The following RIMS1 variants were observed in gnomAD, a reference collection of about 807,000 sequenced individuals.
The protein encoded by RIMS1 is regulating synaptic membrane exocytosis protein 1.
RIMS1 carries 83 observed loss-of-function variants against 214.1 expected under a neutral mutation model. The ratio of observed to expected loss-of-function variants is 0.39; its 90% CI spans 0.32 to 0.47. RIMS1 has a LOEUF of 0.47. Among genes scored for constraint, RIMS1 ranks in the 20% least tolerant of loss-of-function variants. The probability of loss-of-function intolerance (pLI) is 0.99; values close to 1 mark genes in which losing one functional copy is unlikely to be tolerated. For synonymous variants in RIMS1, 793 were observed against 786.8 expected (o/e 1.01, Z -0.13); for missense variants, 2,050 against 2,161.8 (o/e 0.95, Z 1.03).
chr6:72,340,956 C>T (rs1169397033), intron 29 of RIMS1, among the ~76,000 whole-genome samples: 2 of 151,932 alleles, frequency 1.3e-5, no homozygotes, highest in African/African-American at 2.4e-5. Context: ...TCTTTTATTT[C>T]GTTGAGCAGT....
chr6:72,006,554 T>C (rs1263202931), intron 2 of RIMS1, among the ~76,000 whole-genome samples: 1 of 151,818 alleles, frequency 6.6e-6, no homozygotes, highest in Non-Finnish European at 1.5e-5. Context: ...GGGCAAGGGG[T>C]AAGGGAATTC....
At chr6:72,126,181 C>G (rs1282792889) in intron 4 of RIMS1, among the ~76,000 whole-genome samples, 1 of 152,150 alleles carries the variant, frequency 6.6e-6, no homozygotes, top group Non-Finnish European at 1.5e-5. Context: ...GAAAGGCACC[C>G]TGTTCAATAA....
chr6:72,128,376 C>T (rs1376656175), intron 4 of RIMS1, among the ~76,000 whole-genome samples: 1 of 152,024 alleles, frequency 6.6e-6, no homozygotes, highest in Admixed American at 6.6e-5. Context: ...CCACTTCCTT[C>T]CCCTCCCCTC....
chr6:72,159,488 G>A (rs2044977073), intron 4 of RIMS1, among the ~76,000 whole-genome samples: 1 of 141,030 alleles, frequency 7.1e-6, no homozygotes, highest in African/African-American at 2.5e-5. Context: ...GAATGGTATT[G>A]CCTACGTTTT....
At chr6:72,068,762 T>A (rs1245616423) in intron 2 of RIMS1, among the ~76,000 whole-genome samples, 1 of 151,628 alleles carries the variant, frequency 6.6e-6, no homozygotes, top group East Asian at 1.9e-4. Context: ...ATACAAAAAA[T>A]TAGCTGGGCG....
At chr6:72,337,553 GTTA>G (rs1318285845) in intron 29 of RIMS1, among the ~76,000 whole-genome samples, 1 of 151,304 alleles carries the variant, frequency 6.6e-6, no homozygotes, top group African/African-American at 2.4e-5. Flanking sequence ...CTTATGAAAT[GTTA>G]TTATTCCCAT....
chr6:72,315,057 A>T (rs770619735), intron 28 of RIMS1, among the ~76,000 whole-genome samples: 6 of 152,172 alleles, frequency 3.9e-5, no homozygotes, highest in Non-Finnish European at 7.4e-5. Flanking sequence ...TGGCTATGTG[A>T]TTTCTTTTAG....
intron 23 of RIMS1, among the ~76,000 whole-genome samples, chr6:72,282,826 C>T (rs1389668444): frequency 6.6e-6 from 1 of 152,102 alleles, no homozygotes; most frequent in Non-Finnish European, 1.5e-5. Flanking sequence ...TGATGTCTCA[C>T]TCCTCTATTT....
intron 1 of RIMS1, among the ~76,000 whole-genome samples, chr6:71,958,366 T>C (rs1791918714): frequency 6.6e-6 from 1 of 152,120 alleles, no homozygotes; most frequent in African/African-American, 2.4e-5. Flanking sequence ...TCCCAGTAGT[T>C]GGATTGTTGC....
chr6:72,017,434 G>A (rs9342915), intron 2 of RIMS1, among the ~76,000 whole-genome samples: 3,448 of 152,128 alleles, frequency 0.023, 173 homozygotes, highest in East Asian at 0.16. Context: ...TTTACCAATT[G>A]GATGTGAAAG....
intron 6 of RIMS1, among the ~76,000 whole-genome samples, chr6:72,196,105 CATATCAAGAAGTTATTGGTTTATG>C (rs1315730250): frequency 1.3e-5 from 2 of 152,022 alleles, no homozygotes; most frequent in Non-Finnish European, 2.9e-5. Flanking sequence ...AAAGCCTAAC[CATATCAAGAAGTTATTGGTTTATG>C]TATATTTCCT....
At chr6:72,245,554 G>A (rs1266520907) in intron 10 of RIMS1, among the ~76,000 whole-genome samples, 1 of 151,946 alleles carries the variant, frequency 6.6e-6, no homozygotes, top group African/African-American at 2.4e-5. Context: ...AAATATTGTG[G>A]TGATTTTAAC....
intron 1 of RIMS1, among the ~76,000 whole-genome samples, chr6:71,966,729 G>A (rs1794549814): frequency 6.6e-6 from 1 of 152,094 alleles, no homozygotes; most frequent in Admixed American, 6.5e-5. Context: ...CACCATGTTG[G>A]CCAGTCTGGT....
At chr6:72,397,793 GATAGATAGATAA>G (rs894289934) in intron 31 of RIMS1, among the ~76,000 whole-genome samples, 3 of 85,590 alleles carry the variant, frequency 3.5e-5, no homozygotes, top group African/African-American at 9.5e-5. Context: ...CATGATTGCT[GATAGATAGATAA>G]ATAGATAGAT....
intron 1 of RIMS1, among the ~76,000 whole-genome samples, chr6:71,953,036 G>T (rs1790115946): frequency 6.6e-6 from 1 of 151,314 alleles, no homozygotes; most frequent in African/African-American, 2.4e-5. Context: ...ACCCAGGCTG[G>T]ACTGCATTGG....
intron 2 of RIMS1, among the ~76,000 whole-genome samples, chr6:72,073,073 C>G (rs184680582): frequency 2.0e-4 from 31 of 152,224 alleles, no homozygotes; most frequent in Admixed American, 9.8e-4. Context: ...AAGGGTATTT[C>G]GAGCCCTGAC....
chr6:72,241,213 A>G (rs1423629446), intron 9 of RIMS1, among the ~76,000 whole-genome samples: 1 of 152,182 alleles, frequency 6.6e-6, no homozygotes, highest in Non-Finnish European at 1.5e-5. Context: ...TTATGCTTAT[A>G]CTTGGCTATA....
intron 29 of RIMS1, among the ~76,000 whole-genome samples, chr6:72,374,789 A>C (rs2098328782): frequency 6.6e-6 from 1 of 152,142 alleles, no homozygotes; most frequent in Non-Finnish European, 1.5e-5. Context: ...TTACATTGCA[A>C]TATATAATGA....
intron 28 of RIMS1, 118 bp downstream of exon 28, chr6:72,313,790 T>C: frequency 1.0e-6 from 1 of 992,228 alleles, no homozygotes; most frequent in Non-Finnish European, 1.5e-6. Flanking sequence ...TAAGTATTTA[T>C]CGACTACTAT....
Sources: allele counts gnomAD v4.1 joint callset (sites outside exome capture counted in the v4.1 genomes callset), GRCh38; gene constraint gnomAD v4.1.1; transcripts MANE v1.5; gene names NCBI Gene and HGNC (gene_info 2026-07-23, HGNC 2026-07-21).